The following SCPEP1 variants were observed in gnomAD, a reference collection of about 807,000 sequenced individuals.
The protein encoded by SCPEP1 is retinoid-inducible serine carboxypeptidase.
A neutral mutation model predicts 63.8 loss-of-function variants in SCPEP1; 51 were observed. That is an observed-to-expected ratio of 0.80 (90% CI 0.64 to 1.01). SCPEP1 has a LOEUF of 1.01. SCPEP1 is among the 50% of genes least tolerant of loss of function. SCPEP1 has a pLI of 0.00. For missense variants in SCPEP1, 499 were observed against 554.9 expected (o/e 0.90, Z 1.01); for synonymous variants, 204 against 207.8 (o/e 0.98, Z 0.16).
chr17:56,995,147 T>C (rs187897424), intron 7 of SCPEP1, 129 bp downstream of exon 7: 24 of 758,894 alleles, frequency 3.2e-5, no homozygotes, highest in Non-Finnish European at 4.4e-5. Flanking sequence ...GGACTAGTCA[T>C]CCACATAGAG....
At chr17:56,982,723 G>A (rs1295834544) in intron 2 of SCPEP1, 1 of 151,342 alleles carries the variant, frequency 6.6e-6, no homozygotes, top group African/African-American at 2.4e-5. Context: ...CAAACTTTTT[G>A]TTCATCAGCA....
At position 56,984,606 on chromosome 17, in the gene SCPEP1, T is replaced by C. The variant is rs577493389; in HGVS notation, c.226-772T>C. 7.2e-5 allele frequency: 11 copies of C among 152,448 alleles called. No homozygotes were observed. The East Asian group carries it at 2.1e-3, about 29-fold the overall frequency. 9.4% of individuals were successfully genotyped at this position (152,448 alleles called of 1,614,324 possible). ...CTCCCTGCCCTGGGACTTTAGAAAC[T>C]GCTGCATTATATCCACAGAATCTGC... On this transcript the variant is annotated intron_variant, in intron 2 of 12. Coordinates refer to ENST00000262288, the MANE Select transcript of SCPEP1 (RefSeq NM_021626.3).
rs1911886847 is a variant in SCPEP1, at chr17:57,006,189, G to A, written c.1313G>A (p.Gly438Glu). ...TTTTTCTAGGTTCCTTCTGACCAAGGGGACATGGCTCTGAAGATGATGAGA... is the reference window on the plus strand; with the variant it reads ...TTTTTCTAGGTTCCTTCTGACCAAGAGGACATGGCTCTGAAGATGATGAGA... ...KAGHMVPSDQ[G>E]DMALKMMRLV... Residue 438 changes from glycine (G) to glutamate (E), a missense_variant, in exon 13 of 13, where the codon GGG (glycine) becomes GAG (glutamate). Gly to Glu is a moderately conservative substitution (Grantham distance 98, BLOSUM62 -2). Coordinates refer to ENST00000262288, the MANE Select transcript of SCPEP1 (RefSeq NM_021626.3). 3.1e-6 allele frequency: 5 copies of A among 1,611,080 alleles called. No individual in the cohort carries two copies. The highest frequency in any genetic ancestry group is 4.2e-6 in the Non-Finnish European group (5 of 1,178,704).
intron 9 of SCPEP1, among the ~76,000 whole-genome samples, chr17:56,997,719 C>T (rs981747015): frequency 6.6e-6 from 1 of 151,994 alleles, no homozygotes; most frequent in African/African-American, 2.4e-5. Context: ...CAGTTCCCTA[C>T]CAACCCCTTA....
At chr17:57,001,523 G>C (rs1911739477) in intron 11 of SCPEP1, among the ~76,000 whole-genome samples, 1 of 152,128 alleles carries the variant, frequency 6.6e-6, no homozygotes, top group African/African-American at 2.4e-5. Context: ...TGAACTGGCA[G>C]GGTAATTGAG....
intron 10 of SCPEP1, 21 bp from the exon 11 acceptor site, chr17:57,000,833 CT>C (rs1277753209): frequency 6.2e-7 from 1 of 1,613,712 alleles, no homozygotes; most frequent in Admixed American, 1.7e-5. Flanking sequence ...GCTACTCCCT[CT>C]TTCTCCTTCC....
At chr17:56,991,005 C>T (rs960796992) in intron 5 of SCPEP1, 94 bp from the exon 6 acceptor site, 10 of 923,250 alleles carry the variant, frequency 1.1e-5, no homozygotes, top group Middle Eastern at 2.1e-4. Flanking sequence ...TTCCTAGGCT[C>T]AAGCGATCCT....
chr17:56,978,287 C>T (rs751114916), intron 1 of SCPEP1, 52 bp downstream of exon 1: 2 of 1,490,368 alleles, frequency 1.3e-6, no homozygotes, highest in East Asian at 2.6e-5. Flanking sequence ...TTTCTCCAGG[C>T]GTGAGAGTTT....
chr17:57,000,891 A>C lies in SCPEP1; in HGVS notation c.1031A>C (p.Asp344Ala). ...ATNVFVNMEE[D>A]FMKPVISIVD... is the part of the protein sequence containing the mutation. ...AACGTCTTTGTGAACATGGAGGAGGACTTCATGAAGCCAGTCATTAGCATT... is the reference window on the plus strand; with the variant it reads ...AACGTCTTTGTGAACATGGAGGAGGCCTTCATGAAGCCAGTCATTAGCATT... The change falls in exon 11 of 13, where the codon GAC becomes GCC. Residue 344 changes from aspartate to alanine, a missense_variant. Coordinates refer to ENST00000262288, the MANE Select transcript of SCPEP1 (RefSeq NM_021626.3). 3.1e-6 allele frequency: 5 copies of C among 1,614,048 alleles called. No individual in the cohort carries two copies. Among genetic ancestry groups the C allele is most frequent in the Non-Finnish European group, 4.2e-6 (5 of 1,179,986 alleles).
chr17:56,997,664 GAATT>G (rs1005887709), intron 9 of SCPEP1, among the ~76,000 whole-genome samples: 2 of 152,024 alleles, frequency 1.3e-5, no homozygotes, highest in African/African-American at 4.8e-5. Flanking sequence ...CAGGTTTCAA[GAATT>G]ATTAACTCAC....
Position 56,991,116 on chromosome 17 carries a change from C to T in SCPEP1, c.564C>T (p.Thr188=). Reference sequence around the variant, plus strand: ...TCTTTCAGGCCATTCAGCGAGGGACCATCAAGTGCAACTTTGCGGGGGTTG... The same window carrying T: ...TCTTTCAGGCCATTCAGCGAGGGACTATCAAGTGCAACTTTGCGGGGGTTG... ...LELYKAIQRG[T]IKCNFAGVAL... is the part of the protein sequence containing the mutation. Residue 188 remains threonine, a synonymous_variant, in exon 6 of 13, where the codon ACC becomes ACT. Transcript: ENST00000262288. 1 of 1,613,914 alleles carries T rather than the reference C, an allele frequency of 6.2e-7. No individual in the cohort carries two copies.
intron 10 of SCPEP1, among the ~76,000 whole-genome samples, chr17:56,999,018 G>C (rs1911659405): frequency 2.0e-5 from 3 of 149,948 alleles, no homozygotes; most frequent in Non-Finnish European, 2.9e-5. Flanking sequence ...GGAGCTGAGT[G>C]GGGAGGGAAA....
chr17:56,980,823 T>C (rs996462069), intron 1 of SCPEP1, among the ~76,000 whole-genome samples: 5 of 151,716 alleles, frequency 3.3e-5, no homozygotes, highest in African/African-American at 1.2e-4. Flanking sequence ...GTGTTTCATA[T>C]TTATTGTTAA....
rs906206024 is a variant in SCPEP1, at chr17:56,985,773, G to A, written c.315+306G>A. ...TGTGTTATGCACGCTGGCCATCTCC[G>A]CGGCCTCAGACACCATGGTTGCACC... On this transcript the variant is annotated intron_variant, in intron 3 of 12. Transcript: ENST00000262288. Among the ~76,000 whole-genome samples the A allele has an allele frequency of 9.2e-5, 14 of 151,956 alleles. No individual in the cohort carries two copies. The East Asian group carries it at 1.2e-3, about 13-fold the overall frequency.
At chr17:56,985,124 G>GAAAAT (rs1555611213) in intron 2 of SCPEP1, 4 of 522,944 alleles carry the variant, frequency 7.6e-6, no homozygotes, top group Non-Finnish European at 1.4e-5. Flanking sequence ...GAAAAGAAAA[G>GAAAAT]AAAAAATCAG....
rs368611077 is a variant in SCPEP1, at chr17:56,999,798, C to G, written c.995-1057C>G. Among the ~76,000 whole-genome samples, 344 of 152,186 alleles carry G rather than the reference C, an allele frequency of 2.3e-3. 1 individual carries two copies. Among genetic ancestry groups the G allele is most frequent in the African/African-American group, 8.0e-3 (333 of 41,528 alleles). On this transcript the variant is annotated intron_variant, in intron 10 of 12. Transcript: ENST00000262288. ...GGGAGTTCGAGACCAGCCTGACCAACATGGAGAAACCCTGTCTCTACTAAA... is the reference window on the plus strand; with the variant it reads ...GGGAGTTCGAGACCAGCCTGACCAAGATGGAGAAACCCTGTCTCTACTAAA...
rs1413482274 is a variant in SCPEP1 at position 56,978,252 on chromosome 17, G to A, written c.76+17G>A. On this transcript the variant is annotated intron_variant, in intron 1 of 12. Transcript: ENST00000262288. Reference sequence around the variant, plus strand: ...TGAACGCAGGTAGGTTCAAGCAAGAGGCGCACCAGCTGCCATGCCTCTTTT... The same window carrying A: ...TGAACGCAGGTAGGTTCAAGCAAGAAGCGCACCAGCTGCCATGCCTCTTTT... 4 of 1,526,046 alleles carry A rather than the reference G, an allele frequency of 2.6e-6. No individual in the cohort carries two copies. Among genetic ancestry groups the A allele is most frequent in the African/African-American group, 2.8e-5 (2 of 72,094 alleles). The allele number at this position is 1,526,046 out of a possible 1,614,324, so 94.5% of individuals were successfully genotyped here. A position where few individuals can be genotyped will look rare whatever the true frequency, so the allele number is the denominator to read the frequency against.
intron 12 of SCPEP1, 31 bp downstream of exon 12, chr17:57,002,212 AATC>A: frequency 1.2e-6 from 2 of 1,607,230 alleles, no homozygotes; most frequent in South Asian, 2.2e-5. Context: ...CAGACTTAAA[AATC>A]ATCCTGAGAG....
Position 57,000,883 on chromosome 17 carries a change from G to A in SCPEP1, c.1023G>A (p.Met341Ile). The A allele has an allele frequency of 6.2e-7, 1 of 1,614,198 alleles. No individual in the cohort carries two copies. Among genetic ancestry groups the A allele is most frequent in the Non-Finnish European group, 8.5e-7 (1 of 1,180,032 alleles). The change falls in exon 11 of 13, where the codon ATG becomes ATA. Residue 341 changes from methionine (M) to isoleucine (I), a missense_variant. Physicochemically the swap from Met to Ile is conservative, Grantham distance 10. Transcript: ENST00000262288. ...AGGCTACCAACGTCTTTGTGAACAT[G>A]GAGGAGGACTTCATGAAGCCAGTCA... ...GGQATNVFVNMEEDFMKPVIS... is the reference protein window; with the variant it reads ...GGQATNVFVNIEEDFMKPVIS...
Sources: gnomAD v4.1 joint callset for allele counts (sites outside exome capture counted in the v4.1 genomes callset) on GRCh38, gnomAD v4.1.1 for gene constraint, MANE v1.5 for transcripts, NCBI Gene and HGNC (gene_info 2026-07-23, HGNC 2026-07-21) for gene names.